Variants in ATP6V1H observed in about 807,000 individuals in gnomAD.
ATP6V1H encodes V-type proton ATPase subunit H.
In ATP6V1H, 39 loss-of-function variants were observed where a neutral mutation model predicts 71.7. The observed-to-expected ratio is 0.54, with a 90% confidence interval of 0.42 to 0.71. ATP6V1H has a LOEUF of 0.71. Among genes scored for constraint, ATP6V1H ranks in the 30% least tolerant of loss-of-function variants. ATP6V1H has a pLI of 0.00. For missense variants in ATP6V1H, 509 were observed against 594.9 expected (o/e 0.86, Z 1.50); for synonymous variants, 192 against 199.3 (o/e 0.96, Z 0.31).
intron 4 of ATP6V1H, 112 bp downstream of exon 4, chr8:53,829,332 A>G (rs1810921107): frequency 1.5e-6 from 1 of 682,110 alleles, no homozygotes; most frequent in East Asian, 2.8e-5. Context: ...ATATATTATT[A>G]TGCTCTAGAA....
intron 4 of ATP6V1H, among the ~76,000 whole-genome samples, chr8:53,826,930 G>A (rs555112753): frequency 1.1e-4 from 16 of 151,118 alleles, no homozygotes; most frequent in Admixed American, 7.2e-4. Flanking sequence ...CCAGCCTGGA[G>A]GACAGAACGG....
At chr8:53,748,421 C>A (rs1807682713) in intron 12 of ATP6V1H, among the ~76,000 whole-genome samples, 1 of 152,168 alleles carries the variant, frequency 6.6e-6, no homozygotes, top group Admixed American at 6.5e-5. Context: ...GTACTCATAT[C>A]ATCTCATTAA....
chr8:53,817,369 CTCTT>C, intron 5 of ATP6V1H, 44 bp downstream of exon 5: 1 of 1,332,360 alleles, frequency 7.5e-7, no homozygotes, highest in Non-Finnish European at 1.1e-6. Flanking sequence ...GAGACCCTCT[CTCTT>C]TAAAAAAATT....
chr8:53,756,727 A>G (rs1180322452), intron 11 of ATP6V1H, 71 bp from the exon 12 acceptor site: 3 of 901,268 alleles, frequency 3.3e-6, no homozygotes, highest in African/African-American at 1.7e-5. Context: ...GCACAGGTAT[A>G]ATGAAGATAT....
intron 11 of ATP6V1H, among the ~76,000 whole-genome samples, chr8:53,760,335 G>A (rs1170073519): frequency 6.6e-6 from 1 of 152,214 alleles, no homozygotes; most frequent in Non-Finnish European, 1.5e-5. Flanking sequence ...AACATACTGT[G>A]CATGTGGCCC....
At chr8:53,806,572 A>AT (rs754441162) in intron 7 of ATP6V1H, among the ~76,000 whole-genome samples, 8 of 152,120 alleles carry the variant, frequency 5.3e-5, no homozygotes, top group Non-Finnish European at 5.9e-5. Context: ...CAGAAAAAAA[A>AT]TTGTCAGCAT....
intron 11 of ATP6V1H, among the ~76,000 whole-genome samples, chr8:53,761,254 G>A (rs533148009): frequency 6.6e-5 from 10 of 151,694 alleles, no homozygotes; most frequent in South Asian, 2.1e-4. Flanking sequence ...GGAGAATGGC[G>A]TGAACCCAGG....
At chr8:53,730,285 TC>T (rs1253288048) in intron 13 of ATP6V1H, among the ~76,000 whole-genome samples, 1 of 152,218 alleles carries the variant, frequency 6.6e-6, no homozygotes, top group Non-Finnish European at 1.5e-5. Flanking sequence ...GGTATTTGTT[TC>T]TTGTAAACAA....
chr8:53,745,557 A>G (rs1247812013), intron 12 of ATP6V1H, among the ~76,000 whole-genome samples: 1 of 152,168 alleles, frequency 6.6e-6, no homozygotes, highest in South Asian at 2.1e-4. Context: ...CTAGCAGCCA[A>G]CAGCACCATA....
chr8:53,795,385 C>T (rs1482555596), intron 9 of ATP6V1H, among the ~76,000 whole-genome samples: 1 of 152,138 alleles, frequency 6.6e-6, no homozygotes. Flanking sequence ...AAAGGACTTC[C>T]TCCATCTGAA....
chr8:53,824,740 G>T (rs1810773382), intron 4 of ATP6V1H, among the ~76,000 whole-genome samples: 1 of 151,552 alleles, frequency 6.6e-6, no homozygotes, highest in African/African-American at 2.4e-5. Context: ...TAAGCCATAA[G>T]AATTAAAAAA....
intron 13 of ATP6V1H, among the ~76,000 whole-genome samples, chr8:53,737,822 A>G (rs1430827215): frequency 2.0e-5 from 3 of 152,244 alleles, no homozygotes; most frequent in Non-Finnish European, 4.4e-5. Flanking sequence ...CAATTAAAGA[A>G]TATTTACATC....
intron 11 of ATP6V1H, among the ~76,000 whole-genome samples, chr8:53,763,726 A>T (rs1808356688): frequency 1.3e-5 from 2 of 152,202 alleles, no homozygotes; most frequent in South Asian, 4.1e-4. Flanking sequence ...GAACAAAACA[A>T]GTCTTCTTAG....
In ATP6V1H at chr8:53,773,667, A is replaced by G. The variant is rs534923866; in HGVS notation, c.871-1500T>C. 5.3e-5 allele frequency among the ~76,000 whole-genome samples: 8 copies of G among 152,356 alleles called. No individual in the cohort carries two copies. In the East Asian group the frequency reaches 1.5e-3, roughly 29 times the overall value. ...GGGCTAAGGCTGGGGGGAGCCCCAG[A>G]AAACAAAGAGCAAGAAAGGAGACCC... On this transcript the variant is annotated intron_variant, in intron 9 of 13. Transcript: ENST00000359530.
At chr8:53,818,599 G>A (rs562703361) in intron 4 of ATP6V1H, among the ~76,000 whole-genome samples, 194 of 152,238 alleles carry the variant, frequency 1.3e-3, no homozygotes, top group Non-Finnish European at 2.1e-3. Flanking sequence ...TTGCTTCATT[G>A]GTAGAGGTAT....
intron 1 of ATP6V1H, 36 bp from the exon 2 acceptor site, chr8:53,841,761 G>T: frequency 6.4e-7 from 1 of 1,561,526 alleles, no homozygotes. Flanking sequence ...CAGAATACGA[G>T]GTGTTTCTTT....
intron 9 of ATP6V1H, among the ~76,000 whole-genome samples, chr8:53,794,586 G>A (rs1214770748): frequency 6.6e-5 from 10 of 152,202 alleles, no homozygotes; most frequent in African/African-American, 9.6e-5. Flanking sequence ...GGATGGTCTC[G>A]ATCTCCTGAC....
At chr8:53,827,690 C>T (rs1303099948) in intron 4 of ATP6V1H, among the ~76,000 whole-genome samples, 1 of 151,986 alleles carries the variant, frequency 6.6e-6, no homozygotes, top group South Asian at 2.1e-4. Flanking sequence ...GTATGTTGTA[C>T]AGATTATTTC....
chr8:53,819,224 T>G (rs1330709427), intron 4 of ATP6V1H, among the ~76,000 whole-genome samples: 1 of 150,738 alleles, frequency 6.6e-6, no homozygotes, highest in African/African-American at 2.4e-5. Flanking sequence ...AAAAATAAAA[T>G]TAAAAAAATA....
Sources: gnomAD v4.1 joint callset for allele counts (sites outside exome capture counted in the v4.1 genomes callset) on GRCh38, gnomAD v4.1.1 for gene constraint, MANE v1.5 for transcripts, NCBI Gene and HGNC (gene_info 2026-07-23, HGNC 2026-07-21) for gene names.